CREBZF: variants seen among roughly 807,000 people sequenced by gnomAD.
CREBZF encodes CREB/ATF bZIP transcription factor, also known as HCF-binding transcription factor Zhangfei.
A neutral mutation model predicts 21.1 loss-of-function variants in CREBZF; 8 were observed. The ratio of observed to expected loss-of-function variants is 0.38; its 90% CI spans 0.22 to 0.68. The LOEUF is 0.68. CREBZF is among the 30% of genes least tolerant of loss of function. The probability of loss-of-function intolerance (pLI) is 0.51; values close to 1 mark genes in which losing one functional copy is unlikely to be tolerated. For synonymous variants in CREBZF, 270 were observed against 223.3 expected (o/e 1.21, Z -1.86); for missense variants, 518 against 484.3 (o/e 1.07, Z -0.65).
At chr11:85,680,218 T>C (rs2082967922) in intron 1 of CREBZF, among the ~76,000 whole-genome samples, 1 of 152,218 alleles carries the variant, frequency 6.6e-6, no homozygotes, top group Admixed American at 6.5e-5. Flanking sequence ...GCATATATCC[T>C]GGAGATAGTT....
Position 85,663,473 on chromosome 11 carries a change from A to G in CREBZF, c.*338T>C. 1 of 795,644 alleles carries G rather than the reference A, an allele frequency of 1.3e-6. No homozygotes were observed. The highest frequency in any genetic ancestry group is 2.2e-6 in the Non-Finnish European group (1 of 459,038). 49.3% of individuals were successfully genotyped at this position (795,644 alleles called of 1,614,324 possible). A position where few individuals can be genotyped will look rare whatever the true frequency, so the allele number is the denominator to read the frequency against. On this transcript the variant is annotated 3_prime_UTR_variant, in exon 1 of 1. Coordinates refer to ENST00000527447, the MANE Select transcript of CREBZF (RefSeq NM_001039618.4). ...CACAAACTGAGATGTTGCCCATTAA[A>G]GTAGACAAAGCAGCAGAGCATGAGC...
At chr11:85,682,622 T>C (rs2082984360) in intron 1 of CREBZF, 6 of 311,374 alleles carry the variant, frequency 1.9e-5, no homozygotes, top group Non-Finnish European at 2.4e-5. Flanking sequence ...CAACGCGATC[T>C]TCCAGACGCG....
upstream of CREBZF, among the ~76,000 whole-genome samples, chr11:85,668,650 T>G (rs2082887879): frequency 6.6e-6 from 1 of 152,198 alleles, no homozygotes; most frequent in Non-Finnish European, 1.5e-5. Context: ...TATTCCTGAC[T>G]TTAACAGGAA....
At chr11:85,678,365 A>AT (rs959914307) in intron 1 of CREBZF, among the ~76,000 whole-genome samples, 47 of 147,902 alleles carry the variant, frequency 3.2e-4, no homozygotes, top group East Asian at 1.4e-3. Flanking sequence ...GGGAATATGT[A>AT]TTTTTTTTTT....
chr11:85,664,518 G>A lies in CREBZF; in HGVS notation c.358C>T (p.Leu120=), dbSNP rs184847088. 42 of 1,613,864 alleles carry A rather than the reference G, an allele frequency of 2.6e-5. No homozygotes were observed. The highest frequency in any genetic ancestry group is 3.4e-5 in the Non-Finnish European group (40 of 1,179,990). The change falls in exon 1 of 1, where the codon CTG becomes TTG. Residue 120 remains leucine, a synonymous_variant. Transcript: ENST00000527447. This position sits in a 1 kb window ranked among gnomAD's most constrained non-coding sequence, Gnocchi z 5.5. ...LLDPRQPDWH[L]DPGLSSPGPL... is the part of the protein sequence containing the mutation. ...CCCGGCGAGCTAAGCCCGGGGTCCA[G>A]GTGCCAGTCCGGTTGCCTGGGGTCC...
rs199968558 is a variant in CREBZF, at chr11:85,664,159, C to G, written c.717G>C (p.Leu239=). 245 of 1,613,538 alleles carry G rather than the reference C, an allele frequency of 1.5e-4. 1 individual carries two copies. In the East Asian group the frequency reaches 4.7e-3, roughly 31 times the overall value. ...CCCGCAGCTCCTGGTTCTCGGCTGC[C>G]AGACCCCGGACTCGACTCTCCAGCC... The part of the protein sequence containing the change: ...VMGLESRVRG[L]AAENQELRAE... Residue 239 remains leucine (L), a synonymous_variant, in exon 1 of 1, where the codon CTG becomes CTC. Transcript: ENST00000527447. This position sits in a 1 kb window ranked among gnomAD's most constrained non-coding sequence, Gnocchi z 5.5.
chr11:85,675,005 C>G (rs1290556187), intron 1 of CREBZF, among the ~76,000 whole-genome samples: 2 of 152,202 alleles, frequency 1.3e-5, no homozygotes, highest in Admixed American at 6.5e-5. Context: ...GAATTGAAAA[C>G]AGCTAGGGCC....
chr11:85,661,209 G>A lies in CREBZF; in HGVS notation c.*2602C>T, dbSNP rs2082667562. ...GTAAAATGTGCTTACACATAAATAT[G>A]ACCAAATTTATTTAAAGCCCCTATT... On this transcript the variant is annotated 3_prime_UTR_variant, in exon 1 of 1. Transcript: ENST00000527447. The A allele has an allele frequency of 6.6e-6, 1 of 152,006 alleles. No homozygotes were observed. The highest frequency in any genetic ancestry group is 2.1e-4 in the South Asian group (1 of 4,822). 9.4% of individuals were successfully genotyped at this position (152,006 alleles called of 1,614,324 possible). A position where few individuals can be genotyped will look rare whatever the true frequency, so the allele number is the denominator to read the frequency against.
chr11:85,664,995 A>G lies in CREBZF; in HGVS notation c.-120T>C. ...ACTGGCCGAAACGAAATGCAGGGAA[A>G]GGTCCGAGTCGCCTCCCGCCTCACT... On this transcript the variant is annotated 5_prime_UTR_variant, in exon 1 of 1. Transcript: ENST00000527447. The surrounding 1 kb of genome is among the most constrained non-coding windows in gnomAD (Gnocchi z 5.5). 1 of 656,558 alleles carries G rather than the reference A, an allele frequency of 1.5e-6. No individual in the cohort carries two copies. The highest frequency in any genetic ancestry group is 2.3e-6 in the Non-Finnish European group (1 of 440,618). 40.7% of individuals were successfully genotyped at this position (656,558 alleles called of 1,614,324 possible).
At chr11:85,673,076 T>C (rs2082922445) in intron 1 of CREBZF, among the ~76,000 whole-genome samples, 1 of 152,190 alleles carries the variant, frequency 6.6e-6, no homozygotes, top group Non-Finnish European at 1.5e-5. Context: ...ATAGTTTGCT[T>C]TTGTGTTTCT....
Position 85,659,071 on chromosome 11 carries a change from T to C in CREBZF, c.*4740A>G, listed in dbSNP as rs1265716547. Among the ~76,000 whole-genome samples the C allele has an allele frequency of 6.6e-6, 1 of 152,052 alleles. No homozygotes were observed. The highest frequency in any genetic ancestry group is 1.5e-5 in the Non-Finnish European group (1 of 67,908). On this transcript the variant is annotated 3_prime_UTR_variant, in exon 1 of 1. Coordinates refer to ENST00000527447, the MANE Select transcript of CREBZF (RefSeq NM_001039618.4). Reference sequence around the variant, plus strand: ...ACAAATTTCTAATGGAAGAATTCCCTTTTTGATCCGCAGCTTAGGTGGTAA... The same window carrying C: ...ACAAATTTCTAATGGAAGAATTCCCCTTTTGATCCGCAGCTTAGGTGGTAA...
rs183414646 is a variant in CREBZF at position 85,681,840 on chromosome 11, C to T, written n.147+877G>A. Among the ~76,000 whole-genome samples, 18 of 152,284 alleles carry T rather than the reference C, an allele frequency of 1.2e-4. 1 individual carries two copies. Among genetic ancestry groups the T allele is most frequent in the African/African-American group, 3.6e-4 (15 of 41,560 alleles). On this transcript the variant is annotated intron_variant and non_coding_transcript_variant, in intron 1 of 3. Coordinates refer to the CREBZF transcript ENST00000531515. ...CATACCATAATAGATAAACTGGTTGCTTATCCCCTTAATAGGCTCTGGGTC... is the reference window on the plus strand; with the variant it reads ...CATACCATAATAGATAAACTGGTTGTTTATCCCCTTAATAGGCTCTGGGTC...
upstream of CREBZF, among the ~76,000 whole-genome samples, chr11:85,667,585 A>C (rs1044083726): frequency 6.6e-6 from 1 of 152,208 alleles, no homozygotes; most frequent in African/African-American, 2.4e-5. Context: ...ACATTTTCCA[A>C]CTTTTTTTAA....
At position 85,659,872 on chromosome 11, in the gene CREBZF, A is replaced by C. The variant is rs2082625780; in HGVS notation, c.*3939T>G. ...AGAAACTAGCATACCATTAATTAGA[A>C]ACCTCAAAATATTCAGAAAACAGTA... is the stretch of plus-strand genomic sequence containing the variant. On this transcript the variant is annotated 3_prime_UTR_variant, in exon 1 of 1. Transcript: ENST00000527447. The C allele has an allele frequency of 6.6e-6, 1 of 152,110 alleles. No individual in the cohort carries two copies. The highest frequency in any genetic ancestry group is 2.4e-5 in the African/African-American group (1 of 41,458). 9.4% of individuals were successfully genotyped at this position (152,110 alleles called of 1,614,324 possible). A position where few individuals can be genotyped will look rare whatever the true frequency, so the allele number is the denominator to read the frequency against.
At chr11:85,667,577 A>T (rs1286836948), upstream of CREBZF, among the ~76,000 whole-genome samples, 1 of 152,134 alleles carries the variant, frequency 6.6e-6, no homozygotes, top group East Asian at 1.9e-4. Context: ...TGTCTCTTAC[A>T]TTTTCCAACT....
chr11:85,664,748 T>C lies in CREBZF; in HGVS notation c.128A>G (p.Glu43Gly), dbSNP rs370301484. The C allele has an allele frequency of 2.8e-5, 45 of 1,608,402 alleles. No homozygotes were observed. The African/African-American group carries it at 5.2e-4, about 19-fold the overall frequency. Reference sequence around the variant, plus strand: ...GGGAGATCCGGCCGCCGCCGTCTCCTCCTCCCCCGCTGCAGCCCGGGTCAG... The same window carrying C: ...GGGAGATCCGGCCGCCGCCGTCTCCCCCTCCCCCGCTGCAGCCCGGGTCAG... ...SDLTRAAAGE[E>G]ETAAAGSPGR... is the part of the protein sequence containing the mutation. Residue 43 changes from glutamate (E) to glycine (G), a missense_variant, in exon 1 of 1, where the codon GAG (glutamate) becomes GGG (glycine). This residue lies in a region of CREBZF where 396 missense variants were observed against 324.4 expected (regional missense o/e 1.22). Transcript: ENST00000527447. The surrounding 1 kb of genome is among the most constrained non-coding windows in gnomAD (Gnocchi z 5.5).
At chr11:85,665,628 C>T (rs1471972138), upstream of CREBZF, among the ~76,000 whole-genome samples, 1 of 150,766 alleles carries the variant, frequency 6.6e-6, no homozygotes, top group Non-Finnish European at 1.5e-5. Flanking sequence ...TCACTATGTA[C>T]CCAATGAATA....
At chr11:85,674,123 G>A (rs1254781009) in intron 1 of CREBZF, among the ~76,000 whole-genome samples, 4 of 152,128 alleles carry the variant, frequency 2.6e-5, no homozygotes, top group Non-Finnish European at 5.9e-5. Context: ...ATCTAGAATG[G>A]TGAATCCTTT....
rs781411488 is a variant in CREBZF, at chr11:85,662,492, G to A, written c.*1319C>T. The A allele has an allele frequency of 5.6e-6, 4 of 708,260 alleles. No homozygotes were observed. Among genetic ancestry groups the A allele is most frequent in the African/African-American group, 3.5e-5 (2 of 56,864 alleles). The allele number at this position is 708,260 out of a possible 1,614,324, so 43.9% of individuals were successfully genotyped here. A position where few individuals can be genotyped will look rare whatever the true frequency, so the allele number is the denominator to read the frequency against. ...AAAGAAAAACAAGGATGCTAAATACGTATATACTTTATCAAGCAGTGATGT... is the reference window on the plus strand; with the variant it reads ...AAAGAAAAACAAGGATGCTAAATACATATATACTTTATCAAGCAGTGATGT... On this transcript the variant is annotated 3_prime_UTR_variant, in exon 1 of 1. Transcript: ENST00000527447.
Sources: allele counts gnomAD v4.1 joint callset (sites outside exome capture counted in the v4.1 genomes callset), GRCh38; gene constraint gnomAD v4.1.1; regional missense constraint gnomAD v4.1.1; non-coding constraint Gnocchi (gnomAD v3.1); transcripts MANE v1.5; gene names NCBI Gene and HGNC (gene_info 2026-07-23, HGNC 2026-07-21).